The following KCNH1 variants were observed in gnomAD, a reference collection of about 807,000 sequenced individuals.
The protein encoded by KCNH1 is voltage-gated delayed rectifier potassium channel KCNH1.
KCNH1 carries 27 observed loss-of-function variants against 69.2 expected under a neutral mutation model. The ratio of observed to expected loss-of-function variants is 0.39; its 90% CI spans 0.29 to 0.54. KCNH1 has a LOEUF of 0.54. Ranked by LOEUF, KCNH1 falls within the 20% of genes least tolerant of loss-of-function variation. The pLI is 0.68. For synonymous variants in KCNH1, 456 were observed against 487.7 expected (o/e 0.93, Z 0.86); for missense variants, 798 against 1,261.6 (o/e 0.63, Z 5.57).
intron 7 of KCNH1, among the ~76,000 whole-genome samples, chr1:210,820,612 C>A (rs976354167): frequency 1.3e-5 from 2 of 152,098 alleles, no homozygotes; most frequent in South Asian, 4.2e-4. Context: ...CCAGCCTGGG[C>A]GACAGAGAGA....
intron 6 of KCNH1, among the ~76,000 whole-genome samples, chr1:210,948,229 A>T (rs370943405): frequency 1.3e-5 from 2 of 152,052 alleles, no homozygotes; most frequent in African/African-American, 4.8e-5. Flanking sequence ...GATAATGGAT[A>T]CAAAGCATTT....
intron 10 of KCNH1, among the ~76,000 whole-genome samples, chr1:210,742,613 T>C (rs1390123519): frequency 6.6e-6 from 1 of 152,204 alleles, no homozygotes; most frequent in Non-Finnish European, 1.5e-5. Flanking sequence ...CCTCATGCAC[T>C]TTCCCAGAAA....
chr1:210,876,745 G>A (rs1429465857), intron 7 of KCNH1, among the ~76,000 whole-genome samples: 1 of 152,018 alleles, frequency 6.6e-6, no homozygotes, highest in Non-Finnish European at 1.5e-5. Context: ...GCCATAAAGC[G>A]ATGAGTAGCA....
At chr1:210,752,505 A>T (rs889839823) in intron 10 of KCNH1, among the ~76,000 whole-genome samples, 3 of 152,248 alleles carry the variant, frequency 2.0e-5, no homozygotes, top group African/African-American at 7.2e-5. Flanking sequence ...GGAACTGTCA[A>T]TTAACCAAAT....
rs187179060 is a variant in KCNH1 at position 210,905,165 on chromosome 1, G to A, written c.1462+14475C>T. On this transcript the variant is annotated intron_variant, in intron 7 of 10. Transcript: ENST00000271751. ...ACACAAAGTTGGTATCTGCAGTTAC[G>A]ATTTATGAATCTCCCAGTTCCTCCA... 1.1e-3 allele frequency among the ~76,000 whole-genome samples: 163 copies of A among 152,282 alleles called. 2 individuals are homozygous for A. The highest frequency in any genetic ancestry group is 6.5e-3 in the Admixed American group (100 of 15,296).
chr1:210,775,109 C>G (rs143257695), intron 10 of KCNH1, among the ~76,000 whole-genome samples: 8 of 152,124 alleles, frequency 5.3e-5, no homozygotes, highest in Non-Finnish European at 1.0e-4. Context: ...CTCCCTGCCC[C>G]CTCCAAGCAC....
chr1:210,780,132 A>G (rs936809188), intron 9 of KCNH1, among the ~76,000 whole-genome samples: 1 of 152,200 alleles, frequency 6.6e-6, no homozygotes, highest in Non-Finnish European at 1.5e-5. Flanking sequence ...TGGAAGGATC[A>G]ATAGCCTTCT....
intron 5 of KCNH1, among the ~76,000 whole-genome samples, chr1:211,035,769 T>C (rs922896684): frequency 6.6e-6 from 1 of 152,178 alleles, no homozygotes; most frequent in Non-Finnish European, 1.5e-5. Context: ...AAAACCAACA[T>C]GCTTGAGAGA....
At chr1:210,697,718 C>T (rs918842298) in intron 10 of KCNH1, among the ~76,000 whole-genome samples, 2 of 152,218 alleles carry the variant, frequency 1.3e-5, no homozygotes, top group Non-Finnish European at 2.9e-5. Flanking sequence ...GGCTCAGGGA[C>T]TAGTGGCTCC....
intron 7 of KCNH1, among the ~76,000 whole-genome samples, chr1:210,889,173 G>A (rs748784933): frequency 6.6e-6 from 1 of 152,122 alleles, no homozygotes; most frequent in Non-Finnish European, 1.5e-5. Context: ...CTGGCAAACT[G>A]AATCCAGCAG....
At chr1:210,976,741 G>T (rs1162541923) in intron 6 of KCNH1, among the ~76,000 whole-genome samples, 1 of 148,944 alleles carries the variant, frequency 6.7e-6, no homozygotes, top group Non-Finnish European at 1.5e-5. Context: ...AAGAATACGT[G>T]GCACATACAA....
intron 5 of KCNH1, among the ~76,000 whole-genome samples, chr1:211,034,593 G>T (rs866564990): frequency 5.9e-5 from 9 of 152,144 alleles, no homozygotes; most frequent in Admixed American, 1.3e-4. Context: ...AAAGGCCCAT[G>T]GGGTCACTTA....
chr1:211,132,797 G>A (rs893736026), intron 1 of KCNH1: 2 of 152,200 alleles, frequency 1.3e-5, no homozygotes, highest in Admixed American at 1.3e-4. Flanking sequence ...TGGAAGGGGT[G>A]GGGTGGGGGC....
At chr1:210,761,208 C>T (rs1420775843) in intron 10 of KCNH1, among the ~76,000 whole-genome samples, 3 of 139,742 alleles carry the variant, frequency 2.1e-5, no homozygotes, top group South Asian at 2.5e-4. Flanking sequence ...GCCGAGATCC[C>T]GCCACTGCAC....
At chr1:210,917,229 GAGAA>G (rs1187754589) in intron 7 of KCNH1, among the ~76,000 whole-genome samples, 3,493 of 78,542 alleles carry the variant, frequency 0.044, 98 homozygotes, top group Non-Finnish European at 0.054. Flanking sequence ...GAGAGAGAGA[GAGAA>G]AGAAAGAAAG....
chr1:211,106,546 G>T (rs1230491913), intron 2 of KCNH1, among the ~76,000 whole-genome samples: 1 of 151,846 alleles, frequency 6.6e-6, no homozygotes, highest in African/African-American at 2.4e-5. Context: ...CACTTTGGGA[G>T]GCCAAGGCGG....
At chr1:210,738,642 G>A (rs1225644035) in intron 10 of KCNH1, among the ~76,000 whole-genome samples, 3 of 134,542 alleles carry the variant, frequency 2.2e-5, no homozygotes, top group African/African-American at 8.4e-5. Flanking sequence ...AGAGCTCACT[G>A]CAGCCTCAAA....
At position 211,000,824 on chromosome 1, in the gene KCNH1, A is replaced by G. The variant is rs573205208; in HGVS notation, c.1032+17959T>C. ...TGGTACCAAAACAGAGATATAGATC[A>G]ATGGAACAGAACAGAGCCCTCAGAA... On this transcript the variant is annotated intron_variant, in intron 6 of 10. Coordinates refer to ENST00000271751, the MANE Select transcript of KCNH1 (RefSeq NM_172362.3). 6.6e-5 allele frequency among the ~76,000 whole-genome samples: 10 copies of G among 152,314 alleles called. No homozygotes were observed. In the East Asian group the frequency reaches 9.7e-4, roughly 15 times the overall value.
chr1:210,691,173 T>G (rs1681520107), intron 10 of KCNH1, among the ~76,000 whole-genome samples: 1 of 152,204 alleles, frequency 6.6e-6, no homozygotes, highest in African/African-American at 2.4e-5. Context: ...TTGAGATGAT[T>G]CTAGAAGGAT....
Sources: allele counts gnomAD v4.1 joint callset (sites outside exome capture counted in the v4.1 genomes callset), GRCh38; gene constraint gnomAD v4.1.1; transcripts MANE v1.5; gene names NCBI Gene and HGNC (gene_info 2026-07-23, HGNC 2026-07-21).